Variants in HBP1 observed in about 807,000 individuals in gnomAD.
HBP1 encodes HMG box-containing protein 1.
A neutral mutation model predicts 62.6 loss-of-function variants in HBP1; 20 were observed. That is an observed-to-expected ratio of 0.32 (90% confidence interval 0.22 to 0.46). The LOEUF (loss-of-function observed/expected upper bound fraction) is 0.46, where lower values mean the gene tolerates loss of function less well. Ranked by LOEUF, HBP1 falls within the 20% of genes least tolerant of loss-of-function variation. HBP1 has a pLI of 1.00. For synonymous variants in HBP1, 232 were observed against 206.2 expected, an observed-to-expected ratio of 1.12 and a Z score of -1.07; for missense variants, 480 against 611.8, an observed-to-expected ratio of 0.78 and a Z score of 2.27.
In HBP1 at chr7:107,186,669, G is replaced by T; in HGVS notation, c.753G>T (p.Met251Ile). ...GTGATAATGAGGAAGATCTTCAAAT[G>T]GGCATTCACAAGGTTGATTTAAAAT... is the stretch of plus-strand genomic sequence containing the variant. Reference protein sequence around the residue: ...EGCDNEEDLQMGIHKGYGSDG... With the variant: ...EGCDNEEDLQIGIHKGYGSDG... Residue 251 changes from methionine (M) to isoleucine (I), a missense_variant, in exon 6 of 11, where the codon ATG becomes ATT. By Grantham distance (10) the Met-to-Ile change is conservative. Coordinates refer to ENST00000222574, the MANE Select transcript of HBP1 (RefSeq NM_012257.4). The T allele has an allele frequency of 6.9e-6, 11 of 1,588,546 alleles. No homozygotes were observed. Among genetic ancestry groups the T allele is most frequent in the Non-Finnish European group, 9.5e-6 (11 of 1,160,666 alleles).
At chr7:107,169,803 A>G in intron 1 of HBP1, 1 of 981,366 alleles carries the variant, frequency 1.0e-6, no homozygotes, top group Non-Finnish European at 1.2e-6. Flanking sequence ...GGCTGCGGTC[A>G]CATGATGGGG....
intron 1 of HBP1, 28 bp from the exon 2 acceptor site, chr7:107,179,851 C>A (rs146454267): frequency 1.3e-5 from 19 of 1,481,290 alleles, no homozygotes; most frequent in Non-Finnish European, 1.3e-5. Flanking sequence ...GGCTTGACAT[C>A]ATTTCTTAAT....
chr7:107,189,144 T>C, intron 6 of HBP1, 148 bp from the exon 7 acceptor site: 1 of 576,362 alleles, frequency 1.7e-6, no homozygotes, highest in South Asian at 2.4e-5. Flanking sequence ...TGTGTCTTTC[T>C]TCACTACCGG....
At chr7:107,178,228 C>T (rs1584479502) in intron 1 of HBP1, among the ~76,000 whole-genome samples, 1 of 152,160 alleles carries the variant, frequency 6.6e-6, no homozygotes, top group East Asian at 1.9e-4. Context: ...AGGCTGGATT[C>T]CAACGCATAG....
intron 2 of HBP1, among the ~76,000 whole-genome samples, chr7:107,181,480 AT>A (rs1007724947): frequency 6.0e-4 from 90 of 148,770 alleles, no homozygotes; most frequent in Non-Finnish European, 8.3e-4. Context: ...TCAAAAAAAA[AT>A]TTTTTTTTTT....
chr7:107,172,810 C>G (rs572142499), intron 1 of HBP1, among the ~76,000 whole-genome samples: 73 of 152,114 alleles, frequency 4.8e-4, no homozygotes, highest in Non-Finnish European at 7.5e-4. Flanking sequence ...CCTGGTTGGT[C>G]TTGAACTCCT....
In HBP1 at chr7:107,169,081, C is replaced by A; in HGVS notation, c.-120C>A. ...AAGAGCTGCCGCGGGAGCAGTAACC[C>A]GCGCGGGGGAGGCCGACGTCGGTCG... On this transcript the variant is annotated 5_prime_UTR_variant, in exon 1 of 11. Coordinates refer to ENST00000222574, the MANE Select transcript of HBP1 (RefSeq NM_012257.4). 1.6e-6 allele frequency: 2 copies of A among 1,286,326 alleles called. No individual in the cohort carries two copies. Among genetic ancestry groups the A allele is most frequent in the Non-Finnish European group, 2.0e-6 (2 of 986,958 alleles). The allele number at this position is 1,286,326 out of a possible 1,614,324, so 79.7% of individuals were successfully genotyped here. A position where few individuals can be genotyped will look rare whatever the true frequency, so the allele number is the denominator to read the frequency against.
At chr7:107,186,523 C>G (rs1797381425) in intron 5 of HBP1, 46 bp from the exon 6 acceptor site, 4 of 1,554,264 alleles carry the variant, frequency 2.6e-6, no homozygotes, top group Non-Finnish European at 2.7e-6. Flanking sequence ...GCTTACTTGT[C>G]TAGTACAGTC....
intron 1 of HBP1, chr7:107,169,966 A>T: frequency 1.0e-6 from 1 of 985,502 alleles, no homozygotes; most frequent in Non-Finnish European, 1.2e-6. Context: ...AGGCCGATTG[A>T]AACAAAACAA....
At chr7:107,196,343 A>G (rs1479987262) in intron 9 of HBP1, 192 bp downstream of exon 9, 11 of 612,218 alleles carry the variant, frequency 1.8e-5, no homozygotes, top group Non-Finnish European at 6.0e-6. Flanking sequence ...ATCTCAGCTC[A>G]CTGCAACCTC....
Position 107,190,232 on chromosome 7 carries a change from G to A in HBP1, c.982G>A (p.Val328Ile). 3.7e-6 allele frequency: 6 copies of A among 1,611,698 alleles called. No homozygotes were observed. The highest frequency in any genetic ancestry group is 5.1e-6 in the Non-Finnish European group (6 of 1,178,026). The change falls in exon 8 of 11, where the codon GTT becomes ATT. Residue 328 changes from valine to isoleucine, a missense_variant. Transcript: ENST00000222574. ...ACAGCATGGCATTCCATGTTGTGAA[G>A]TTCATATTGGCGATGTATGTCTACC... ...VVQHGIPCCE[V>I]HIGDVCLPPG...
At chr7:107,171,073 A>ATATATATATATTTTTTTTTTTT in intron 1 of HBP1, among the ~76,000 whole-genome samples, 2 of 87,194 alleles carry the variant, frequency 2.3e-5, no homozygotes, top group African/African-American at 1.3e-4. Context: ...ATATATATAT[A>ATATATATATATTTTTTTTTTTT]TTTTTTTTTT....
intron 1 of HBP1, among the ~76,000 whole-genome samples, chr7:107,174,038 GCTTT>G (rs1339886540): frequency 2.0e-5 from 3 of 152,184 alleles, no homozygotes; most frequent in Non-Finnish European, 4.4e-5. Flanking sequence ...TGGAGACCTT[GCTTT>G]CTTTCTTCAG....
intron 1 of HBP1, among the ~76,000 whole-genome samples, chr7:107,175,716 CTTTTT>C (rs1215594002): frequency 7.3e-6 from 1 of 136,512 alleles, no homozygotes. Context: ...TCCCTCTCTT[CTTTTT>C]TTTTTTTTTT....
intron 6 of HBP1, among the ~76,000 whole-genome samples, chr7:107,188,685 C>G (rs1170603524): frequency 2.0e-5 from 3 of 152,174 alleles, no homozygotes; most frequent in African/African-American, 7.2e-5. Context: ...TAATAGGTGT[C>G]TCTCATTATA....
chr7:107,175,707 C>T (rs1422960381), intron 1 of HBP1, among the ~76,000 whole-genome samples: 6 of 151,642 alleles, frequency 4.0e-5, no homozygotes, highest in African/African-American at 1.5e-4. Flanking sequence ...TGGGAGACCT[C>T]CCTCTCTTCT....
intron 9 of HBP1, among the ~76,000 whole-genome samples, chr7:107,198,332 C>CT (rs1798029839): frequency 1.3e-5 from 2 of 152,002 alleles, no homozygotes; most frequent in South Asian, 4.2e-4. Flanking sequence ...GCCTCAGCCT[C>CT]TGAGCAGCTT....
At chr7:107,198,839 C>A (rs1355617208) in intron 9 of HBP1, among the ~76,000 whole-genome samples, 1 of 152,198 alleles carries the variant, frequency 6.6e-6, no homozygotes, top group Non-Finnish European at 1.5e-5. Flanking sequence ...TTAGGGAACA[C>A]AGAGTATAGT....
chr7:107,201,503 C>G lies in HBP1; in HGVS notation c.*72C>G. Reference sequence around the variant, plus strand: ...TCTTGATGGAAAGACTTAAGAAGATCAAGGTCTCACCATTTGTCCTCAATT... The same window carrying G: ...TCTTGATGGAAAGACTTAAGAAGATGAAGGTCTCACCATTTGTCCTCAATT... On this transcript the variant is annotated 3_prime_UTR_variant, in exon 11 of 11. Coordinates refer to ENST00000222574, the MANE Select transcript of HBP1 (RefSeq NM_012257.4). 1.1e-6 allele frequency: 1 copy of G among 921,258 alleles called. No individual in the cohort carries two copies. Among genetic ancestry groups the G allele is most frequent in the South Asian group, 1.4e-5 (1 of 69,612 alleles). The allele number at this position is 921,258 out of a possible 1,614,324, so 57.1% of individuals were successfully genotyped here. A position where few individuals can be genotyped will look rare whatever the true frequency, so the allele number is the denominator to read the frequency against.
Sources: allele counts gnomAD v4.1 joint callset (sites outside exome capture counted in the v4.1 genomes callset), GRCh38; gene constraint gnomAD v4.1.1; transcripts MANE v1.5; gene names NCBI Gene and HGNC (gene_info 2026-07-23, HGNC 2026-07-21).